Variants in KLF17 observed in about 807,000 individuals in gnomAD.
KLF17 encodes KLF transcription factor 17, also known as Krueppel-like factor 17.
Under a neutral mutation model 34.2 loss-of-function variants are expected in KLF17, and 31 were observed. The observed-to-expected ratio is 0.91, with a 90% CI of 0.68 to 1.22. KLF17 has a LOEUF of 1.22. KLF17 is among the 50% of genes most tolerant of loss of function. The pLI is 0.00. For synonymous variants in KLF17, 179 were observed against 186.7 expected (o/e 0.96, Z 0.34); for missense variants, 478 against 505.2 (o/e 0.95, Z 0.52).
At chr1:44,116,876 C>T (rs940320347), upstream of KLF17, among the ~76,000 whole-genome samples, 3 of 152,208 alleles carry the variant, frequency 2.0e-5, no homozygotes, top group African/African-American at 7.2e-5. Flanking sequence ...CTGACCTTCT[C>T]TGAGCATAAT....
the KLF17 span, among the ~76,000 whole-genome samples, chr1:44,111,332 T>A: frequency 2.6e-5 from 4 of 152,146 alleles, no homozygotes; most frequent in Non-Finnish European, 4.4e-5. Flanking sequence ...AAATTAGGTA[T>A]CTATCATTCC....
the KLF17 span, among the ~76,000 whole-genome samples, chr1:44,097,142 G>A: frequency 6.6e-6 from 1 of 152,040 alleles, no homozygotes; most frequent in African/African-American, 2.4e-5. Context: ...GATGTGTGGT[G>A]TTATTTCTGA....
the KLF17 span, among the ~76,000 whole-genome samples, chr1:44,070,182 A>C: frequency 6.6e-6 from 1 of 152,236 alleles, no homozygotes; most frequent in African/African-American, 2.4e-5. Flanking sequence ...CTCCTTTTTA[A>C]TTTTTTAAGT....
Position 44,129,529 on chromosome 1 carries a change from G to A in KLF17, c.258G>A (p.Gly86=), listed in dbSNP as rs761503387. ...CGGGGCAGAATGTGAATGAAGGGGG[G>A]CCACAGTTCAGTATGCCACTGCCTG... is the stretch of plus-strand genomic sequence containing the variant. ...EAPGQNVNEG[G]PQFSMPLPER... is the part of the protein sequence containing the mutation. The change falls in exon 2 of 4, where the codon GGG becomes GGA. Residue 86 remains glycine, a synonymous_variant. Coordinates refer to ENST00000372299, the MANE Select transcript of KLF17 (RefSeq NM_173484.4). 1.9e-6 allele frequency: 3 copies of A among 1,613,238 alleles called. No individual in the cohort carries two copies. The highest frequency in any genetic ancestry group is 2.5e-6 in the Non-Finnish European group (3 of 1,179,524).
At chr1:44,092,934 G>C in the KLF17 span, among the ~76,000 whole-genome samples, 3 of 152,174 alleles carry the variant, frequency 2.0e-5, no homozygotes, top group African/African-American at 7.2e-5. Context: ...AAGCAAATGG[G>C]CATCCCCCTG....
At chr1:44,072,713 A>G in the KLF17 span, among the ~76,000 whole-genome samples, 28 of 152,164 alleles carry the variant, frequency 1.8e-4, 1 homozygote, top group South Asian at 5.8e-3. Context: ...AATAACAAAA[A>G]TAATAAATAA....
At chr1:44,069,512 GA>G in the KLF17 span, among the ~76,000 whole-genome samples, 5 of 114,542 alleles carry the variant, frequency 4.4e-5, no homozygotes, top group African/African-American at 1.6e-4. The surrounding 1 kb of genome is among the most constrained non-coding windows in gnomAD (Gnocchi z 4.7). Context: ...GAGAGAGAGA[GA>G]AGACAGGAGG....
At chr1:44,111,463 GTTTTTTTTTTT>G in the KLF17 span, among the ~76,000 whole-genome samples, 2 of 90,476 alleles carry the variant, frequency 2.2e-5, no homozygotes, top group African/African-American at 9.0e-5. Flanking sequence ...TTTGCAACTT[GTTTTTTTTTTT>G]TTTTTTTTGA....
chr1:44,114,782 T>C (rs1571979564), upstream of KLF17: 4 of 152,350 alleles, frequency 2.6e-5, no homozygotes, highest in East Asian at 3.9e-4. Flanking sequence ...ACTGTTGAAA[T>C]ACTCCTCTCC....
At chr1:44,067,136 A>G in the KLF17 span, among the ~76,000 whole-genome samples, 4 of 152,282 alleles carry the variant, frequency 2.6e-5, no homozygotes, top group African/African-American at 4.8e-5. Context: ...CTCTAACGCT[A>G]TTAGAATCTT....
At position 44,129,988 on chromosome 1, in the gene KLF17, T is replaced by TAAGA. The variant is rs747442554; in HGVS notation, c.717_718insAAGA (p.Val240LysfsTer36). The TAAGA allele has an allele frequency of 6.2e-7, 1 of 1,614,050 alleles. No homozygotes were observed. The highest frequency in any genetic ancestry group is 8.5e-7 in the Non-Finnish European group (1 of 1,180,034). On this transcript the variant is annotated frameshift_variant, in exon 2 of 4. Coordinates refer to ENST00000372299, the MANE Select transcript of KLF17 (RefSeq NM_173484.4). LOFTEE classifies it high-confidence loss of function. ...TGGTTTTAGGATCTCAGGACTCTCT[T>TAAGA]GTCAGTCAGCCAGACTCTCAAGAAG...
At chr1:44,130,389 G>C (rs533571429) in intron 2 of KLF17, 123 bp from the exon 3 acceptor site, 2 of 1,422,090 alleles carry the variant, frequency 1.4e-6, no homozygotes, top group South Asian at 2.5e-5. Context: ...TGATTGTGTT[G>C]CCCCTCCCTG....
chr1:44,088,957 A>C, the KLF17 span, among the ~76,000 whole-genome samples: 1 of 152,162 alleles, frequency 6.6e-6, no homozygotes, highest in Non-Finnish European at 1.5e-5. Flanking sequence ...GGATAAAAAG[A>C]CCACAGGAGG....
chr1:44,111,046 G>T, the KLF17 span, among the ~76,000 whole-genome samples: 1 of 152,060 alleles, frequency 6.6e-6, no homozygotes, highest in Non-Finnish European at 1.5e-5. Flanking sequence ...GAATGCAGTG[G>T]TGTGACCATG....
the KLF17 span, among the ~76,000 whole-genome samples, chr1:44,097,503 G>A: frequency 2.0e-5 from 3 of 151,996 alleles, no homozygotes; most frequent in Non-Finnish European, 2.9e-5. Context: ...CGACAGGTTG[G>A]TGAGTGCAGC....
chr1:44,055,377 A>C, the KLF17 span, among the ~76,000 whole-genome samples: 5 of 152,200 alleles, frequency 3.3e-5, no homozygotes, highest in Admixed American at 2.0e-4. Flanking sequence ...ATTGATGGCC[A>C]GCCAAAAATT....
the KLF17 span, chr1:44,103,879 C>T: frequency 5.1e-6 from 4 of 789,254 alleles, no homozygotes; most frequent in South Asian, 1.3e-5. Context: ...GTATGCTGCA[C>T]GTCATCCCAG....
chr1:44,122,562 A>T, intron 1 of KLF17: 3 of 769,640 alleles, frequency 3.9e-6, no homozygotes, highest in Non-Finnish European at 7.1e-6. Flanking sequence ...GAATCCAACA[A>T]CCGAATACTG....
At chr1:44,057,362 C>T in the KLF17 span, among the ~76,000 whole-genome samples, 3 of 152,154 alleles carry the variant, frequency 2.0e-5, no homozygotes, top group African/African-American at 7.2e-5. Flanking sequence ...AGGGATCCCC[C>T]ATACAACATC....
Sources: gnomAD v4.1 joint callset for allele counts (sites outside exome capture counted in the v4.1 genomes callset) on GRCh38, gnomAD v4.1.1 for gene constraint, Gnocchi (gnomAD v3.1) non-coding constraint, MANE v1.5 for transcripts, NCBI Gene and HGNC (gene_info 2026-07-23, HGNC 2026-07-21) for gene names.